The following ADAMTSL1 variants were observed in gnomAD, a reference collection of about 807,000 sequenced individuals.
The protein encoded by ADAMTSL1 is ADAMTS-like protein 1.
In ADAMTSL1, 126 loss-of-function variants were observed where a neutral mutation model predicts 201.8. The observed-to-expected ratio is 0.62, with a 90% CI of 0.54 to 0.72. The LOEUF (loss-of-function observed/expected upper bound fraction) is 0.72, where lower values mean the gene tolerates loss of function less well. Among genes scored for constraint, ADAMTSL1 ranks in the 30% least tolerant of loss-of-function variants. The probability of loss-of-function intolerance (pLI) is 0.00; values close to 1 mark genes in which losing one functional copy is unlikely to be tolerated. For synonymous variants in ADAMTSL1, 1,121 were observed against 903.4 expected (o/e 1.24, Z -4.32); for missense variants, 2,679 against 2,277.8 (o/e 1.18, Z -3.59).
chr9:18,819,850 G>T (rs1280813323), intron 21 of ADAMTSL1, among the ~76,000 whole-genome samples: 1 of 152,180 alleles, frequency 6.6e-6, no homozygotes, highest in African/African-American at 2.4e-5. Context: ...ATTACACAGT[G>T]AATTTGCTGG....
intron 2 of ADAMTSL1, among the ~76,000 whole-genome samples, chr9:18,295,398 G>A (rs1833438372): frequency 6.6e-6 from 1 of 151,860 alleles, no homozygotes; most frequent in South Asian, 2.1e-4. Context: ...GAGTGCAGTG[G>A]CGCGATCTTG....
rs929596477 is a variant in ADAMTSL1, at chr9:18,607,345, T to G, written c.475-14898T>G. ...CACTTGAAACAACTGTTGAAAACCA[T>G]AAAATTCGTGGTCAAATATGTTTTT... On this transcript the variant is annotated intron_variant, in intron 4 of 28. Coordinates refer to ENST00000380548, the MANE Select transcript of ADAMTSL1 (RefSeq NM_001040272.6). Among the ~76,000 whole-genome samples the G allele has an allele frequency of 2.0e-5, 3 of 152,314 alleles. No individual in the cohort carries two copies. In the South Asian group the frequency reaches 6.2e-4, roughly 32 times the overall value.
chr9:18,345,455 G>A (rs1049766849), intron 2 of ADAMTSL1, among the ~76,000 whole-genome samples: 4 of 152,028 alleles, frequency 2.6e-5, no homozygotes, highest in Admixed American at 1.3e-4. Context: ...ATAACTCTTC[G>A]AGAATGATGT....
At chr9:18,883,033 C>T in intron 23 of ADAMTSL1, among the ~76,000 whole-genome samples, 1 of 150,704 alleles carries the variant, frequency 6.6e-6, no homozygotes, top group Non-Finnish European at 1.5e-5. Context: ...CAGGTAAGAG[C>T]TGGGTCAGCA....
At chr9:18,264,610 G>C (rs1308227877) in intron 2 of ADAMTSL1, among the ~76,000 whole-genome samples, 1 of 152,062 alleles carries the variant, frequency 6.6e-6, no homozygotes, top group Non-Finnish European at 1.5e-5. Flanking sequence ...AGTGAGATTA[G>C]ACAGTAAAGA....
intron 2 of ADAMTSL1, among the ~76,000 whole-genome samples, chr9:18,240,626 C>G (rs2132446776): frequency 6.6e-6 from 1 of 152,270 alleles, no homozygotes; most frequent in East Asian, 1.9e-4. Context: ...GCCTAGATGG[C>G]ATCTTCTTTC....
chr9:17,914,343 C>T (rs1741949211), intron 1 of ADAMTSL1, among the ~76,000 whole-genome samples: 2 of 152,114 alleles, frequency 1.3e-5, no homozygotes, highest in African/African-American at 4.8e-5. Flanking sequence ...GGGTTTCATC[C>T]CTGGGATGCA....
At position 18,889,693 on chromosome 9, in the gene ADAMTSL1, A is replaced by C; in HGVS notation, c.4588A>C (p.Lys1530Gln). The C allele has an allele frequency of 6.3e-7, 1 of 1,591,184 alleles. No homozygotes were observed. Among genetic ancestry groups the C allele is most frequent in the Non-Finnish European group, 8.6e-7 (1 of 1,168,350 alleles). ...TEVNPAHCAG[K>Q]VRPAVQPIAC... is the part of the protein sequence containing the mutation. ...GGTCAACCCTGCCCACTGCGCAGGG[A>C]AGGTTCGCCCTGCGGTGCAGCCCAT... Residue 1530 changes from lysine to glutamine, a missense_variant, in exon 25 of 29, where the codon AAG (lysine) becomes CAG (glutamine). Physicochemically the swap from Lys to Gln is moderately conservative, Grantham distance 53. Coordinates refer to ENST00000380548, the MANE Select transcript of ADAMTSL1 (RefSeq NM_001040272.6).
intron 1 of ADAMTSL1, among the ~76,000 whole-genome samples, chr9:17,966,184 G>A (rs1817971835): frequency 6.6e-6 from 1 of 152,102 alleles, no homozygotes; most frequent in Non-Finnish European, 1.5e-5. Flanking sequence ...ATGAATACCT[G>A]AAGGCACAGT....
At chr9:18,044,834 G>A (rs1398191233) in intron 1 of ADAMTSL1, among the ~76,000 whole-genome samples, 3 of 152,170 alleles carry the variant, frequency 2.0e-5, no homozygotes, top group African/African-American at 4.8e-5. Context: ...GGCTACTGGT[G>A]TATAGGTCTT....
At chr9:17,978,989 T>A (rs950075425) in intron 1 of ADAMTSL1, among the ~76,000 whole-genome samples, 4 of 151,586 alleles carry the variant, frequency 2.6e-5, no homozygotes, top group African/African-American at 9.7e-5. Context: ...GCATTTTTCA[T>A]GTGTCACTGC....
chr9:18,761,975 A>G (rs1393795652), intron 16 of ADAMTSL1, among the ~76,000 whole-genome samples: 1 of 152,244 alleles, frequency 6.6e-6, no homozygotes, highest in Non-Finnish European at 1.5e-5. Context: ...GCTTCTGGCT[A>G]ATGATAAAAC....
Position 18,092,332 on chromosome 9 carries a change from G to A in ADAMTSL1, c.88-71530G>A, listed in dbSNP as rs961985. On this transcript the variant is annotated intron_variant, in intron 1 of 29. Coordinates refer to the ADAMTSL1 transcript ENST00000680146. The stretch of plus-strand genomic sequence containing the variant: ...TCTCTGGGAAGGCGAGGAAGGCTTC[G>A]CAAAGGAAGTGACATTTTTATTGGG... Among the ~76,000 whole-genome samples the A allele has an allele frequency of 6.7e-3, 1,018 of 152,208 alleles. 9 individuals are homozygous for A. The highest frequency in any genetic ancestry group is 0.023 in the African/African-American group (971 of 41,526).
chr9:18,728,723 A>G (rs2133468226), intron 15 of ADAMTSL1, among the ~76,000 whole-genome samples: 1 of 152,360 alleles, frequency 6.6e-6, no homozygotes, highest in African/African-American at 2.4e-5. Flanking sequence ...AAGAAGGAAG[A>G]TGTTGCAGGC....
intron 21 of ADAMTSL1, among the ~76,000 whole-genome samples, chr9:18,817,819 G>A (rs1823958139): frequency 6.6e-6 from 1 of 152,210 alleles, no homozygotes; most frequent in African/African-American, 2.4e-5. Flanking sequence ...GGTAACGACT[G>A]GATGGACATG....
intron 1 of ADAMTSL1, among the ~76,000 whole-genome samples, chr9:18,092,591 A>G (rs1449476220): frequency 6.6e-6 from 1 of 152,124 alleles, no homozygotes; most frequent in Non-Finnish European, 1.5e-5. Flanking sequence ...TGGCATTTGC[A>G]CTTTGGATTT....
At chr9:18,744,454 T>C (rs1473649504) in intron 15 of ADAMTSL1, among the ~76,000 whole-genome samples, 1 of 152,184 alleles carries the variant, frequency 6.6e-6, no homozygotes, top group African/African-American at 2.4e-5. Flanking sequence ...TCTGACTGAC[T>C]TTAGGAAGCT....
At chr9:17,954,732 T>C (rs1256203923) in intron 1 of ADAMTSL1, among the ~76,000 whole-genome samples, 3 of 152,150 alleles carry the variant, frequency 2.0e-5, no homozygotes, top group Non-Finnish European at 4.4e-5. Context: ...ACCAGAGTTT[T>C]AGTCTAAGTT....
At chr9:18,568,431 G>A (rs1449723733) in intron 3 of ADAMTSL1, among the ~76,000 whole-genome samples, 1 of 152,116 alleles carries the variant, frequency 6.6e-6, no homozygotes, top group Non-Finnish European at 1.5e-5. Flanking sequence ...GCCTTTTATG[G>A]TAATCTTTTC....
Sources: allele counts gnomAD v4.1 joint callset (sites outside exome capture counted in the v4.1 genomes callset), GRCh38; gene constraint gnomAD v4.1.1; transcripts MANE v1.5; gene names NCBI Gene and HGNC (gene_info 2026-07-23, HGNC 2026-07-21).